DYNC2I1: variants seen among roughly 807,000 people sequenced by gnomAD.
DYNC2I1 encodes the protein dynein 2 intermediate chain 1, also known as cytoplasmic dynein 2 intermediate chain 1.
Under a neutral mutation model 133.4 loss-of-function variants are expected in DYNC2I1, and 89 were observed. The ratio of observed to expected loss-of-function variants is 0.67; its 90% confidence interval spans 0.56 to 0.80. The LOEUF (loss-of-function observed/expected upper bound fraction) is 0.80, where lower values mean the gene tolerates loss of function less well. DYNC2I1 is among the 30% of genes least tolerant of loss of function. The pLI, the probability that DYNC2I1 is intolerant of heterozygous loss-of-function variation, is 0.00. For synonymous variants in DYNC2I1, 504 were observed against 484.3 expected (o/e 1.04, Z -0.54); for missense variants, 1,291 against 1,314.5 (o/e 0.98, Z 0.28).
chr7:158,946,466 G>A (rs900151345), downstream of DYNC2I1, among the ~76,000 whole-genome samples: 11 of 152,214 alleles, frequency 7.2e-5, no homozygotes, highest in African/African-American at 2.7e-4. Context: ...GCATCAAGGC[G>A]CCCCGTGTTT....
chr7:158,923,437 C>A, intron 16 of DYNC2I1, 134 bp from the exon 17 acceptor site: 2 of 1,184,760 alleles, frequency 1.7e-6, no homozygotes, highest in Middle Eastern at 1.9e-4. Flanking sequence ...AGTCTACGTT[C>A]TGCTTACTGG....
rs926022700 is a variant in DYNC2I1, at chr7:158,902,672, C to T, written c.1357+77C>T. ...CTGAGCCCTCACAGATGCTGTCACACACAGGCCTACTCTAATAAGGTGGGT... is the reference window on the plus strand; with the variant it reads ...CTGAGCCCTCACAGATGCTGTCACATACAGGCCTACTCTAATAAGGTGGGT... On this transcript the variant is annotated intron_variant, in intron 10 of 24. Coordinates refer to ENST00000407559, the MANE Select transcript of DYNC2I1 (RefSeq NM_018051.5). 7 of 1,304,606 alleles carry T rather than the reference C, an allele frequency of 5.4e-6. No individual in the cohort carries two copies. The African/African-American group carries it at 8.9e-5, about 17-fold the overall frequency. The allele number at this position is 1,304,606 out of a possible 1,614,324, so 80.8% of individuals were successfully genotyped here. A position where few individuals can be genotyped will look rare whatever the true frequency, so the allele number is the denominator to read the frequency against.
intron 8 of DYNC2I1, among the ~76,000 whole-genome samples, chr7:158,896,706 C>G (rs1013671045): frequency 6.6e-6 from 1 of 152,126 alleles, no homozygotes; most frequent in East Asian, 1.9e-4. Context: ...CTCCTGGGCT[C>G]AAGTGATCTT....
chr7:158,926,229 C>A lies in DYNC2I1; in HGVS notation c.2300C>A (p.Ala767Glu), dbSNP rs199982523. The change falls in exon 18 of 25, where the codon GCA becomes GAA. Residue 767 changes from alanine (A) to glutamate (E), a missense_variant. Physicochemically the swap from Ala to Glu is moderately radical, Grantham distance 107. Coordinates refer to ENST00000407559, the MANE Select transcript of DYNC2I1 (RefSeq NM_018051.5). ...GTAAACCACCGAAGCCCTCTTCAAG[C>A]AGTAGAACCTATCTCAACGTCCGTC... ...TSVNHRSPLQ[A>E]VEPISTSVHK... 1.4e-5 allele frequency: 23 copies of A among 1,613,690 alleles called. No homozygotes were observed. The Admixed American group carries it at 3.7e-4, about 26-fold the overall frequency.
intron 6 of DYNC2I1, 28 bp downstream of exon 6, chr7:158,884,647 C>A: frequency 6.2e-7 from 1 of 1,610,338 alleles, no homozygotes; most frequent in Non-Finnish European, 8.5e-7. Flanking sequence ...TGTGGTCGAC[C>A]TTTACGTGTG....
chr7:158,860,615 G>A (rs754580374), intron 1 of DYNC2I1, among the ~76,000 whole-genome samples: 11 of 152,078 alleles, frequency 7.2e-5, no homozygotes, highest in Non-Finnish European at 1.5e-4. Context: ...TGTTTACAAT[G>A]TGTATGACTA....
upstream of DYNC2I1, among the ~76,000 whole-genome samples, chr7:158,854,616 A>G (rs1841128103): frequency 1.3e-5 from 2 of 152,156 alleles, no homozygotes; most frequent in Admixed American, 6.6e-5. Context: ...CGTTCTGCAC[A>G]TGTACCCCAG....
At chr7:158,926,549 G>A in intron 19 of DYNC2I1, 86 bp downstream of exon 19, 2 of 1,432,812 alleles carry the variant, frequency 1.4e-6, no homozygotes, top group South Asian at 1.2e-5. Flanking sequence ...CAGGGGGCGG[G>A]ACCCAGTTAG....
upstream of DYNC2I1, chr7:158,856,473 G>GTT: frequency 2.6e-6 from 1 of 379,890 alleles, no homozygotes; most frequent in Non-Finnish European, 4.7e-6. Context: ...GGGAGGGGCC[G>GTT]CGGGCACGCC....
chr7:158,905,607 C>T (rs1846714551), intron 10 of DYNC2I1, among the ~76,000 whole-genome samples: 1 of 152,172 alleles, frequency 6.6e-6, no homozygotes, highest in African/African-American at 2.4e-5. Context: ...TTAATTTGCA[C>T]TTGTTTCTGT....
intron 14 of DYNC2I1, among the ~76,000 whole-genome samples, chr7:158,915,515 A>G (rs1848042411): frequency 6.6e-6 from 1 of 150,410 alleles, no homozygotes; most frequent in Non-Finnish European, 1.5e-5. Flanking sequence ...GGTGGTTGAG[A>G]TAAAGGATGA....
the DYNC2I1 span, among the ~76,000 whole-genome samples, chr7:158,839,776 T>C: frequency 0.14 from 20,970 of 150,914 alleles, 1,569 homozygotes; most frequent in South Asian, 0.21. Context: ...GCCAAGATAG[T>C]GATACTGCAC....
chr7:158,920,895 C>T (rs540738334), intron 15 of DYNC2I1, among the ~76,000 whole-genome samples: 5 of 152,220 alleles, frequency 3.3e-5, no homozygotes, highest in Admixed American at 1.3e-4. Context: ...TTAAAACACG[C>T]GGCAGAATGA....
chr7:158,908,296 G>C (rs1475520395), intron 11 of DYNC2I1, among the ~76,000 whole-genome samples: 1 of 151,752 alleles, frequency 6.6e-6, no homozygotes, highest in African/African-American at 2.4e-5. Context: ...AAATGAAAAA[G>C]AGAGCATAGC....
intron 21 of DYNC2I1, among the ~76,000 whole-genome samples, 159 bp from the exon 22 acceptor site, chr7:158,933,970 T>C (rs886268045): frequency 6.6e-6 from 1 of 152,194 alleles, no homozygotes; most frequent in Admixed American, 6.5e-5. Flanking sequence ...AAGAGTGTAG[T>C]AGCAGAAGAA....
chr7:158,889,036 TACACAC>T lies in DYNC2I1; in HGVS notation c.990+1986_990+1991del, dbSNP rs71200077. ...AGTTTGGAAGCCAGTTTTAAACATT[TACACAC>T]ACACACACACACACACACACACACC... On this transcript the variant is annotated intron_variant, in intron 7 of 24. Coordinates refer to ENST00000407559, the MANE Select transcript of DYNC2I1 (RefSeq NM_018051.5). Among the ~76,000 whole-genome samples, 558 of 141,272 alleles carry T rather than the reference TACACAC, an allele frequency of 3.9e-3. 7 individuals are homozygous for T. The highest frequency in any genetic ancestry group is 0.018 in the East Asian group (84 of 4,770). The allele number at this position is 141,272 out of a possible 152,430, so 92.7% of individuals were successfully genotyped here.
At chr7:158,952,693 A>G (rs2129490373) in intron 4 of DYNC2I1, among the ~76,000 whole-genome samples, 2 of 152,104 alleles carry the variant, frequency 1.3e-5, no homozygotes, top group South Asian at 4.2e-4. Context: ...GGAGAAAAGG[A>G]GGGTGAACCC....
chr7:158,904,778 C>A, intron 10 of DYNC2I1: 1 of 168,420 alleles, frequency 5.9e-6, no homozygotes. Context: ...GGTCATGAAG[C>A]AAGTAGCGGA....
At chr7:158,914,815 C>T (rs1454450726) in intron 14 of DYNC2I1, among the ~76,000 whole-genome samples, 2 of 152,206 alleles carry the variant, frequency 1.3e-5, no homozygotes, top group African/African-American at 4.8e-5. Flanking sequence ...CCACCACCCA[C>T]CCCATCAGTT....
Sources: gnomAD v4.1 joint callset for allele counts (sites outside exome capture counted in the v4.1 genomes callset) on GRCh38, gnomAD v4.1.1 for gene constraint, MANE v1.5 for transcripts, NCBI Gene and HGNC (gene_info 2026-07-23, HGNC 2026-07-21) for gene names.